Variants in SPIRE1 observed in about 807,000 individuals in gnomAD.
The protein encoded by SPIRE1 is spire type actin nucleation factor 1.
SPIRE1 carries 40 observed loss-of-function variants against 94.1 expected under a neutral mutation model. The ratio of observed to expected loss-of-function variants is 0.43; its 90% confidence interval spans 0.33 to 0.55. SPIRE1 has a LOEUF of 0.55. Among genes scored for constraint, SPIRE1 ranks in the 20% least tolerant of loss-of-function variants. The probability of loss-of-function intolerance (pLI) is 0.06; values close to 1 mark genes in which losing one functional copy is unlikely to be tolerated. For missense variants in SPIRE1, 838 were observed against 975.2 expected (o/e 0.86, Z 1.87); for synonymous variants, 376 against 371.7 (o/e 1.01, Z -0.13).
At chr18:12,607,446 T>G (rs542947337) in intron 2 of SPIRE1, among the ~76,000 whole-genome samples, 1 of 152,320 alleles carries the variant, frequency 6.6e-6, no homozygotes, top group East Asian at 1.9e-4. Flanking sequence ...CTTGGTTCTA[T>G]GCCTCCCTTG....
At chr18:12,560,518 G>T (rs967735304) in intron 2 of SPIRE1, among the ~76,000 whole-genome samples, 10 of 152,154 alleles carry the variant, frequency 6.6e-5, no homozygotes, top group Non-Finnish European at 1.5e-4. Flanking sequence ...TTACTTATTT[G>T]TGGGAGCTAA....
At chr18:12,551,756 A>T (rs56111234) in intron 2 of SPIRE1, among the ~76,000 whole-genome samples, 1 of 152,228 alleles carries the variant, frequency 6.6e-6, no homozygotes, top group African/African-American at 2.4e-5. Flanking sequence ...AGCTGAATAG[A>T]CAGCTTTATT....
intron 2 of SPIRE1, among the ~76,000 whole-genome samples, chr18:12,612,830 C>T (rs1217118858): frequency 6.6e-6 from 1 of 152,188 alleles, no homozygotes; most frequent in Non-Finnish European, 1.5e-5. Context: ...TGCTCTTCCC[C>T]CAGATATCTC....
At chr18:12,496,536 C>T (rs976500046) in intron 6 of SPIRE1, among the ~76,000 whole-genome samples, 2 of 152,030 alleles carry the variant, frequency 1.3e-5, no homozygotes, top group Non-Finnish European at 2.9e-5. Flanking sequence ...GAGTTAGAGA[C>T]CAGCCTGGCC....
At position 12,452,280 on chromosome 18, in the gene SPIRE1, G is replaced by A. The variant is rs756124455; in HGVS notation, c.1987C>T (p.His663Tyr). 2.5e-6 allele frequency: 4 copies of A among 1,614,128 alleles called. No homozygotes were observed. In the South Asian group the frequency reaches 4.4e-5, roughly 18 times the overall value. Residue 663 changes from histidine (H) to tyrosine (Y), a missense_variant, in exon 16 of 17, where the codon CAT becomes TAT. His to Tyr is a moderately conservative substitution (Grantham distance 83). Around this residue, in one of 2 missense-constraint regions of SPIRE1, gnomAD observed 645 missense variants for 804.7 expected, o/e 0.80. Transcript: ENST00000409402. Reference sequence around the variant, plus strand: ...CTGGCAATGCTCCGAAGTGGCCGATGATGGGCAGTGGAGGGTTTTTCTGAC... The same window carrying A: ...CTGGCAATGCTCCGAAGTGGCCGATAATGGGCAGTGGAGGGTTTTTCTGAC... Reference protein sequence around the residue: ...MRSEKPSTAHHRPLRSIARFS... With the variant: ...MRSEKPSTAHYRPLRSIARFS...
chr18:12,578,265 T>C (rs1028305420), intron 2 of SPIRE1, among the ~76,000 whole-genome samples: 1 of 152,236 alleles, frequency 6.6e-6, no homozygotes, highest in Non-Finnish European at 1.5e-5. Flanking sequence ...CATAGCAGCT[T>C]TATTTGCAAT....
intron 13 of SPIRE1, 37 bp downstream of exon 13, chr18:12,454,309 T>TCTA: frequency 6.2e-7 from 1 of 1,612,174 alleles, no homozygotes. Context: ...TGGCCATCCT[T>TCTA]CTACTCTTCT....
chr18:12,451,634 A>T (rs1043651071), intron 16 of SPIRE1, among the ~76,000 whole-genome samples: 2 of 152,160 alleles, frequency 1.3e-5, no homozygotes, highest in Admixed American at 1.3e-4. Flanking sequence ...CTCGCTGTCC[A>T]CAGAGCCAGG....
At chr18:12,453,278 A>G (rs1030028349) in intron 13 of SPIRE1, 140 bp from the exon 14 acceptor site, 12 of 556,472 alleles carry the variant, frequency 2.2e-5, no homozygotes, top group East Asian at 6.0e-5. Context: ...AATCCTGTTT[A>G]TAACAGCTGG....
In SPIRE1 at chr18:12,658,069, G is replaced by A. The variant is rs1188214453; in HGVS notation, c.-203C>T. The A allele has an allele frequency of 8.1e-6, 8 of 992,676 alleles. No individual in the cohort carries two copies. Among genetic ancestry groups the A allele is most frequent in the African/African-American group, 1.8e-5 (1 of 57,078 alleles). The allele number at this position is 992,676 out of a possible 1,614,324, so 61.5% of individuals were successfully genotyped here. On this transcript the variant is annotated 5_prime_UTR_variant, in exon 1 of 17. Transcript: ENST00000409402. ...CGGCGAGGACACGGCTGCAGTCCCG[G>A]TCAGACAGCCGCCGGCCGGTAGCGA...
intron 2 of SPIRE1, among the ~76,000 whole-genome samples, chr18:12,601,769 C>T (rs145379381): frequency 0.015 from 2,212 of 152,208 alleles, 67 homozygotes; most frequent in African/African-American, 0.051. Context: ...TGCCTGTTTT[C>T]GAGGTTCCTC....
At chr18:12,620,745 A>G (rs989764231) in intron 2 of SPIRE1, among the ~76,000 whole-genome samples, 2 of 152,172 alleles carry the variant, frequency 1.3e-5, no homozygotes, top group Non-Finnish European at 2.9e-5. Context: ...GGATTTGGCA[A>G]TGGATTTTTA....
intron 2 of SPIRE1, among the ~76,000 whole-genome samples, chr18:12,594,301 T>C (rs887301125): frequency 2.6e-5 from 4 of 152,162 alleles, no homozygotes; most frequent in African/African-American, 9.7e-5. Flanking sequence ...AACTATGTTA[T>C]TAAATGAATA....
intron 10 of SPIRE1, among the ~76,000 whole-genome samples, chr18:12,469,603 TTTA>T (rs897294752): frequency 6.9e-6 from 1 of 144,800 alleles, no homozygotes; most frequent in Non-Finnish European, 1.5e-5. Flanking sequence ...TATTTATATA[TTTA>T]TTTATATTTA....
At chr18:12,485,262 G>A (rs868369382) in intron 9 of SPIRE1, among the ~76,000 whole-genome samples, 39 of 152,118 alleles carry the variant, frequency 2.6e-4, no homozygotes, top group Middle Eastern at 6.8e-3. Flanking sequence ...GTGCCACCAC[G>A]CCTGGCTAAT....
At chr18:12,622,287 C>T (rs1010212678) in intron 2 of SPIRE1, among the ~76,000 whole-genome samples, 13 of 151,860 alleles carry the variant, frequency 8.6e-5, no homozygotes, top group African/African-American at 2.4e-4. Context: ...ATCTGTGTAG[C>T]GTGGGAAATA....
intron 2 of SPIRE1, among the ~76,000 whole-genome samples, chr18:12,627,465 T>C (rs976154592): frequency 2.0e-5 from 3 of 152,220 alleles, no homozygotes; most frequent in African/African-American, 7.2e-5. Flanking sequence ...CTATCATCGA[T>C]GGACATTTGG....
chr18:12,451,944 C>T (rs1197496928), intron 16 of SPIRE1, among the ~76,000 whole-genome samples: 1 of 152,146 alleles, frequency 6.6e-6, no homozygotes, highest in Non-Finnish European at 1.5e-5. Flanking sequence ...TGTTACATTC[C>T]AATTTTCAAC....
At chr18:12,523,902 T>C (rs1369058730) in intron 4 of SPIRE1, among the ~76,000 whole-genome samples, 1 of 152,166 alleles carries the variant, frequency 6.6e-6, no homozygotes, top group East Asian at 1.9e-4. Flanking sequence ...CATTGCCCAC[T>C]CTAGTCTCAA....
Sources: allele counts gnomAD v4.1 joint callset (sites outside exome capture counted in the v4.1 genomes callset), GRCh38; gene constraint gnomAD v4.1.1; regional missense constraint gnomAD v4.1.1; transcripts MANE v1.5; gene names NCBI Gene and HGNC (gene_info 2026-07-23, HGNC 2026-07-21).